The following NR5A2 variants were observed in gnomAD, a reference collection of about 807,000 sequenced individuals.
NR5A2 encodes the protein nuclear receptor subfamily 5 group A member 2, also known as CYP7A promoter-binding factor.
In NR5A2, 26 loss-of-function variants were observed where a neutral mutation model predicts 62.7. The ratio of observed to expected loss-of-function variants is 0.41; its 90% CI spans 0.30 to 0.58. NR5A2 has a LOEUF of 0.58. Among genes scored for constraint, NR5A2 ranks in the 20% least tolerant of loss-of-function variants. NR5A2 has a pLI of 0.22. For missense variants in NR5A2, 541 were observed against 669.1 expected (o/e 0.81, Z 2.11); for synonymous variants, 246 against 241.7 (o/e 1.02, Z -0.16).
chr1:200,142,244 G>A (rs1483275999), intron 7 of NR5A2, among the ~76,000 whole-genome samples: 2 of 127,694 alleles, frequency 1.6e-5, no homozygotes, highest in African/African-American at 6.0e-5. Context: ...CTGTTGCCCA[G>A]GCTAGAGTGC....
At chr1:200,143,553 T>C (rs1177789063) in intron 7 of NR5A2, among the ~76,000 whole-genome samples, 1 of 151,630 alleles carries the variant, frequency 6.6e-6, no homozygotes, top group Non-Finnish European at 1.5e-5. Context: ...GGTTGCCACA[T>C]GCATGGTTGC....
rs557883966 is a variant in NR5A2, at chr1:200,169,839, T to C, written c.1379-4124T>C. On this transcript the variant is annotated intron_variant, in intron 7 of 7. Transcript: ENST00000367362. ...GGGTTTATTAACTGGTGTTTTTAAA[T>C]TGTATGAAAATGAAGCTTATATAAA... Among the ~76,000 whole-genome samples, 12 of 152,360 alleles carry C rather than the reference T, an allele frequency of 7.9e-5. 1 individual carries two copies. Among genetic ancestry groups the C allele is most frequent in the Middle Eastern group, 6.8e-3 (2 of 294 alleles).
chr1:200,059,561 C>A (rs1295480426), intron 5 of NR5A2, among the ~76,000 whole-genome samples: 1 of 152,074 alleles, frequency 6.6e-6, no homozygotes, highest in Non-Finnish European at 1.5e-5. Flanking sequence ...GGAGGTAGAG[C>A]CCACTAAGCC....
At chr1:200,135,419 G>T (rs373811751) in intron 7 of NR5A2, among the ~76,000 whole-genome samples, 11 of 152,168 alleles carry the variant, frequency 7.2e-5, no homozygotes, top group African/African-American at 2.7e-4. Context: ...TACCCGGGAG[G>T]CTGAGACAGG....
At chr1:200,167,489 G>A (rs1246773849) in intron 7 of NR5A2, among the ~76,000 whole-genome samples, 5 of 152,068 alleles carry the variant, frequency 3.3e-5, no homozygotes, top group African/African-American at 1.2e-4. Context: ...CAGGATCCTG[G>A]CTGGTCTCCC....
Position 200,174,285 on chromosome 1 carries a change from A to G in NR5A2, c.*75A>G, listed in dbSNP as rs537191680. On this transcript the variant is annotated 3_prime_UTR_variant, in exon 8 of 8. Coordinates refer to ENST00000367362, the MANE Select transcript of NR5A2 (RefSeq NM_205860.3). ...GTGGGGAGGGGGAAGAAGAACAGGA[A>G]GAAAAAAAGTACTCTGAACTGCTCC... 4 of 1,445,688 alleles carry G rather than the reference A, an allele frequency of 2.8e-6. No individual in the cohort carries two copies. The highest frequency in any genetic ancestry group is 3.6e-6 in the Non-Finnish European group (4 of 1,096,208). The allele number at this position is 1,445,688 out of a possible 1,614,324, so 89.6% of individuals were successfully genotyped here.
chr1:200,152,119 T>C (rs918421169), intron 7 of NR5A2, among the ~76,000 whole-genome samples: 10 of 152,194 alleles, frequency 6.6e-5, no homozygotes, highest in Non-Finnish European at 1.5e-4. Flanking sequence ...AAAAAGAGAA[T>C]GTATGAACTG....
In NR5A2 at chr1:200,064,766, A is replaced by G. The variant is rs3790835; in HGVS notation, c.1110+15948A>G. ...GCATTTAAATATTGTTTTGTTTTTA[A>G]TTTACTATCTAAACTTGTACTAAAG... On this transcript the variant is annotated intron_variant, in intron 5 of 7. Transcript: ENST00000367362. 1.6e-4 allele frequency among the ~76,000 whole-genome samples: 24 copies of G among 152,164 alleles called. No homozygotes were observed. In the East Asian group the frequency reaches 4.6e-3, roughly 29 times the overall value.
intron 7 of NR5A2, among the ~76,000 whole-genome samples, chr1:200,160,103 T>C (rs1162178686): frequency 6.6e-6 from 1 of 152,218 alleles, no homozygotes; most frequent in Non-Finnish European, 1.5e-5. Context: ...TAGAAAACAA[T>C]GGGCTCTAGC....
chr1:200,078,999 A>G (rs1018341502), intron 5 of NR5A2, among the ~76,000 whole-genome samples: 1 of 152,188 alleles, frequency 6.6e-6, no homozygotes, highest in Non-Finnish European at 1.5e-5. Context: ...TATGTTGCCT[A>G]TTCCTGGCAT....
rs551932851 is a variant in NR5A2 at position 200,112,433 on chromosome 1, A to G, written c.1230+1112A>G. 3.3e-5 allele frequency among the ~76,000 whole-genome samples: 5 copies of G among 152,354 alleles called. No individual in the cohort carries two copies. The South Asian group carries it at 6.2e-4, about 19-fold the overall frequency. ...CAGGGTCCCACTGCATTGTTCAGCA[A>G]TGGTGACTTCAGTACTCGGCACCAT... On this transcript the variant is annotated intron_variant, in intron 6 of 7. Transcript: ENST00000367362.
At chr1:200,036,710 C>T (rs931690138) in intron 1 of NR5A2, among the ~76,000 whole-genome samples, 2 of 152,112 alleles carry the variant, frequency 1.3e-5, no homozygotes, top group African/African-American at 4.8e-5. Context: ...GGGAGCGTTT[C>T]CCATCGTCGA....
At chr1:200,111,347 A>AG (rs1665947096) in intron 6 of NR5A2, 26 bp downstream of exon 6, 1 of 1,586,742 alleles carries the variant, frequency 6.3e-7, no homozygotes, top group South Asian at 1.2e-5. Flanking sequence ...AAAAAAAAAA[A>AG]AAAAGCATCT....
At chr1:200,149,809 G>A (rs1180505390) in intron 7 of NR5A2, among the ~76,000 whole-genome samples, 1 of 152,098 alleles carries the variant, frequency 6.6e-6, no homozygotes, top group Non-Finnish European at 1.5e-5. Context: ...CATACAGTAG[G>A]TATCTGTGCC....
intron 7 of NR5A2, among the ~76,000 whole-genome samples, chr1:200,131,635 T>C (rs923863516): frequency 1.3e-5 from 2 of 152,184 alleles, no homozygotes; most frequent in Non-Finnish European, 2.9e-5. Flanking sequence ...AATCTCAGAA[T>C]AGAGTGGCTG....
intron 5 of NR5A2, among the ~76,000 whole-genome samples, chr1:200,094,368 A>G (rs1391670180): frequency 6.6e-6 from 1 of 150,766 alleles, no homozygotes; most frequent in African/African-American, 2.4e-5. Context: ...TGTTTTTAGT[A>G]GAGATGGAGT....
chr1:200,119,231 T>G (rs1219578325), intron 6 of NR5A2, among the ~76,000 whole-genome samples: 4 of 152,252 alleles, frequency 2.6e-5, no homozygotes, highest in Admixed American at 2.6e-4. Flanking sequence ...TCTGCCTTGT[T>G]TTTAATTGCA....
At chr1:200,065,841 A>G (rs2816916) in intron 5 of NR5A2, among the ~76,000 whole-genome samples, 54,941 of 152,002 alleles carry the variant, frequency 0.36, 11,758 homozygotes, top group African/African-American at 0.6. Flanking sequence ...GACACACAGC[A>G]CTACAGGCAC....
rs929467903 is a variant in NR5A2 at position 200,147,419 on chromosome 1, G to A, written c.1378+26464G>A. On this transcript the variant is annotated intron_variant, in intron 7 of 7. Coordinates refer to ENST00000367362, the MANE Select transcript of NR5A2 (RefSeq NM_205860.3). This position sits in a 1 kb window ranked among gnomAD's most constrained non-coding sequence, Gnocchi z 4.9. ...CTGTATGGGTCTGGGCGAGATGCAG[G>A]CAGCTTATCTGTTTATGGGGCTGCC... 2.6e-5 allele frequency: 12 copies of A among 464,034 alleles called. No individual in the cohort carries two copies. Among genetic ancestry groups the A allele is most frequent in the Non-Finnish European group, 3.3e-5 (8 of 240,478 alleles). The allele number at this position is 464,034 out of a possible 1,614,324, so 28.7% of individuals were successfully genotyped here.
Sources: allele counts gnomAD v4.1 joint callset (sites outside exome capture counted in the v4.1 genomes callset), GRCh38; gene constraint gnomAD v4.1.1; non-coding constraint Gnocchi (gnomAD v3.1); transcripts MANE v1.5; gene names NCBI Gene and HGNC (gene_info 2026-07-23, HGNC 2026-07-21).